Variants in PLCB4 observed in about 807,000 individuals in gnomAD.
PLCB4 encodes the protein 1-phosphatidylinositol 4,5-bisphosphate phosphodiesterase beta-4.
A neutral mutation model predicts 178.8 loss-of-function variants in PLCB4; 77 were observed. The observed-to-expected ratio is 0.43, with a 90% confidence interval of 0.36 to 0.52. PLCB4 has a LOEUF of 0.52. Among genes scored for constraint, PLCB4 ranks in the 20% least tolerant of loss-of-function variants. The pLI, the probability that PLCB4 is intolerant of heterozygous loss-of-function variation, is 0.00. For synonymous variants in PLCB4, 496 were observed against 490.8 expected (o/e 1.01, Z -0.14); for missense variants, 1,024 against 1,453.4 (o/e 0.70, Z 4.80).
chr20:9,276,693 C>T (rs965834951), intron 3 of PLCB4, among the ~76,000 whole-genome samples: 1 of 152,072 alleles, frequency 6.6e-6, no homozygotes, highest in Non-Finnish European at 1.5e-5. Context: ...CTCACAGCCA[C>T]AGTCTAGTCC....
At chr20:9,431,288 C>T (rs1188795341) in intron 28 of PLCB4, among the ~76,000 whole-genome samples, 7 of 151,904 alleles carry the variant, frequency 4.6e-5, no homozygotes, top group Admixed American at 4.6e-4. Flanking sequence ...CTTATAGCGA[C>T]ACTAGTGATT....
intron 13 of PLCB4, 66 bp from the exon 14 acceptor site, chr20:9,384,135 T>C: frequency 8.3e-7 from 1 of 1,209,374 alleles, no homozygotes. Flanking sequence ...TCAGCTTCCA[T>C]GAATAAAACA....
chr20:9,476,502 AC>A (rs2044553470), intron 38 of PLCB4, among the ~76,000 whole-genome samples: 1 of 152,194 alleles, frequency 6.6e-6, no homozygotes, highest in Non-Finnish European at 1.5e-5. Flanking sequence ...TCTGGGAATG[AC>A]AGGCGTTGGT....
chr20:9,242,048 T>C (rs377606268), intron 3 of PLCB4, among the ~76,000 whole-genome samples: 19 of 152,310 alleles, frequency 1.2e-4, no homozygotes, highest in African/African-American at 4.3e-4. Flanking sequence ...AGCAGAAGCA[T>C]GCAAGGCCTT....
intron 8 of PLCB4, among the ~76,000 whole-genome samples, chr20:9,364,297 A>G (rs1006727916): frequency 6.6e-6 from 1 of 152,166 alleles, no homozygotes; most frequent in African/African-American, 2.4e-5. Context: ...AGTGACACAA[A>G]TATCTCTATC....
At chr20:9,327,284 A>AAT (rs2030772298) in intron 4 of PLCB4, among the ~76,000 whole-genome samples, 1 of 148,566 alleles carries the variant, frequency 6.7e-6, no homozygotes, top group Non-Finnish European at 1.5e-5. Flanking sequence ...ACAAAAAAAA[A>AAT]TTTTTTTTTT....
chr20:9,283,724 T>A (rs962740352), intron 3 of PLCB4, among the ~76,000 whole-genome samples: 1 of 151,980 alleles, frequency 6.6e-6, no homozygotes, highest in Non-Finnish European at 1.5e-5. Flanking sequence ...GTCTGTGTCT[T>A]ATCCACTATT....
chr20:9,194,925 A>G (rs918174826), intron 2 of PLCB4, among the ~76,000 whole-genome samples: 1 of 152,180 alleles, frequency 6.6e-6, no homozygotes, highest in Non-Finnish European at 1.5e-5. Context: ...TTTAGTAGTT[A>G]GTGCCTCTCT....
chr20:9,357,325 A>G (rs1023822135), intron 7 of PLCB4, among the ~76,000 whole-genome samples: 3 of 152,320 alleles, frequency 2.0e-5, no homozygotes, highest in East Asian at 3.9e-4. Flanking sequence ...GTGAACTTCA[A>G]TCCCCTAAAA....
In PLCB4 at chr20:9,274,165, G is replaced by A. The variant is rs574310684; in HGVS notation, c.-15-33635G>A. Among the ~76,000 whole-genome samples the A allele has an allele frequency of 3.0e-3, 462 of 152,146 alleles. 1 individual carries two copies. The highest frequency in any genetic ancestry group is 5.6e-3 in the Non-Finnish European group (382 of 67,956). On this transcript the variant is annotated intron_variant, in intron 3 of 39. Coordinates refer to ENST00000378473, the MANE Select transcript of PLCB4 (RefSeq NM_001377142.1). The stretch of plus-strand genomic sequence containing the variant: ...TCTTGCTCCAGGCCAGTTTTTCATT[G>A]TTCTTACAGTTCATTTTTCTTTAGA...
chr20:9,092,435 A>T (rs1023693014), intron 1 of PLCB4, among the ~76,000 whole-genome samples: 5 of 152,216 alleles, frequency 3.3e-5, no homozygotes, highest in Middle Eastern at 3.4e-3. Flanking sequence ...AGTGTTGACA[A>T]GTGGGAATTG....
chr20:9,185,938 T>A (rs997845726), intron 2 of PLCB4, among the ~76,000 whole-genome samples: 1 of 152,222 alleles, frequency 6.6e-6, no homozygotes. Flanking sequence ...TATTTTTGCT[T>A]TTTCCACAGC....
intron 2 of PLCB4, among the ~76,000 whole-genome samples, chr20:9,176,981 CTG>C (rs2093166409): frequency 6.6e-6 from 1 of 151,904 alleles, no homozygotes; most frequent in Non-Finnish European, 1.5e-5. Flanking sequence ...ATGGAGGAAA[CTG>C]AGAAAGAATG....
At chr20:9,203,061 A>G (rs902641748) in intron 2 of PLCB4, among the ~76,000 whole-genome samples, 1 of 131,334 alleles carries the variant, frequency 7.6e-6, no homozygotes, top group Non-Finnish European at 1.6e-5. Context: ...AAAAAAATAT[A>G]TATATATATA....
intron 3 of PLCB4, among the ~76,000 whole-genome samples, chr20:9,256,008 G>A (rs960486293): frequency 1.3e-5 from 2 of 151,972 alleles, no homozygotes; most frequent in Non-Finnish European, 2.9e-5. Flanking sequence ...GTTTAGTAAG[G>A]GATCAAGAGT....
intron 2 of PLCB4, among the ~76,000 whole-genome samples, chr20:9,178,324 A>AAAAT (rs554487266): frequency 1.4e-4 from 22 of 152,316 alleles, no homozygotes; most frequent in East Asian, 1.2e-3. Flanking sequence ...TTTGTCTCAA[A>AAAAT]AAATAAATAA....
chr20:9,215,866 C>T (rs1013057164), intron 2 of PLCB4, among the ~76,000 whole-genome samples: 2 of 152,178 alleles, frequency 1.3e-5, no homozygotes, highest in African/African-American at 4.8e-5. Context: ...TGTCTTAACA[C>T]AATGGAGCCA....
chr20:9,301,171 C>T (rs189579682), intron 3 of PLCB4, among the ~76,000 whole-genome samples: 47 of 151,842 alleles, frequency 3.1e-4, no homozygotes, highest in Non-Finnish European at 4.4e-5. Flanking sequence ...ATAATCTCCC[C>T]ATCTCAAGAT....
chr20:9,441,543 C>T (rs1277419361), intron 30 of PLCB4, among the ~76,000 whole-genome samples: 1 of 152,092 alleles, frequency 6.6e-6, no homozygotes, highest in Non-Finnish European at 1.5e-5. Context: ...GGGAAGGCAG[C>T]CAGTAATTAG....
Sources: allele counts gnomAD v4.1 joint callset (sites outside exome capture counted in the v4.1 genomes callset), GRCh38; gene constraint gnomAD v4.1.1; transcripts MANE v1.5; gene names NCBI Gene and HGNC (gene_info 2026-07-23, HGNC 2026-07-21).